IKBKE: variants seen among roughly 807,000 people sequenced by gnomAD.
The protein encoded by IKBKE is inhibitor of nuclear factor kappa-B kinase subunit epsilon.
Under a neutral mutation model 92.1 loss-of-function variants are expected in IKBKE, and 45 were observed. The ratio of observed to expected loss-of-function variants is 0.49; its 90% CI spans 0.38 to 0.63. The LOEUF (loss-of-function observed/expected upper bound fraction) is 0.63, where lower values mean the gene tolerates loss of function less well. Among genes scored for constraint, IKBKE ranks in the 20% least tolerant of loss-of-function variants. IKBKE has a pLI of 0.00. For synonymous variants in IKBKE, 374 were observed against 380.3 expected, an observed-to-expected ratio of 0.98 and a Z score of 0.19; for missense variants, 700 against 932.8, an observed-to-expected ratio of 0.75 and a Z score of 3.25.
Position 206,487,981 on chromosome 1 carries a change from A to C in IKBKE, c.1684A>C (p.Met562Leu), listed in dbSNP as rs781981008. The change falls in exon 16 of 22, where the codon ATG becomes CTG. Residue 562 changes from methionine (M) to leucine (L), a missense_variant. By Grantham distance (15) the Met-to-Leu change is conservative. Transcript: ENST00000581977. The surrounding 1 kb of genome is among the most constrained non-coding windows in gnomAD (Gnocchi z 5.3). ...CTACAAACAGTTCAAGAAGTCTAGG[A>C]TGAGGCCAGGTGAGCCCGGGGAGGG... ...FIYKQFKKSR[M>L]RPGLGYNEEQ... 26 of 1,613,080 alleles carry C rather than the reference A, an allele frequency of 1.6e-5. No homozygotes were observed. Among genetic ancestry groups the C allele is most frequent in the African/African-American group, 2.7e-5 (2 of 74,940 alleles).
At chr1:206,480,677 C>T (rs1553386862) in intron 13 of IKBKE, 144 bp downstream of exon 13, 3 of 665,516 alleles carry the variant, frequency 4.5e-6, no homozygotes, top group Non-Finnish European at 8.1e-6. Flanking sequence ...GGCACCCGCA[C>T]CCTATCCCTT....
At chr1:206,484,829 CG>C (rs1229116450) in intron 13 of IKBKE, among the ~76,000 whole-genome samples, 167 bp from the exon 14 acceptor site, 3 of 152,178 alleles carry the variant, frequency 2.0e-5, no homozygotes, top group Non-Finnish European at 4.4e-5. Context: ...GCAGGGCCCT[CG>C]TCAGGATGGC....
Position 206,493,119 on chromosome 1 carries a change from G to C in IKBKE, c.1932G>C (p.Lys644Asn), listed in dbSNP as rs782657929. The C allele has an allele frequency of 6.3e-7, 1 of 1,588,860 alleles. No homozygotes were observed. The highest frequency in any genetic ancestry group is 1.1e-5 in the South Asian group (1 of 87,804). ...AGGGGGTCCAGGAGAGTCTCAGCAAGGTGGGCATGGCAGAAGGATTCTAGG... is the reference window on the plus strand; with the variant it reads ...AGGGGGTCCAGGAGAGTCTCAGCAACGTGGGCATGGCAGAAGGATTCTAGG... ...EAQGVQESLS[K>N]LLEELSHQLL... The change falls in exon 19 of 22, where the codon AAG becomes AAC. Residue 644 changes from lysine (K) to asparagine (N), a missense_variant and splice_region_variant. Coordinates refer to ENST00000581977, the MANE Select transcript of IKBKE (RefSeq NM_014002.4).
chr1:206,480,606 A>G (rs1445957699), intron 13 of IKBKE, 73 bp downstream of exon 13: 1 of 1,039,846 alleles, frequency 9.6e-7, no homozygotes, highest in South Asian at 1.4e-5. Flanking sequence ...GATACTTCCA[A>G]CAATGCACCT....
intron 21 of IKBKE, among the ~76,000 whole-genome samples, chr1:206,494,755 C>T (rs1341520353): frequency 6.6e-6 from 1 of 151,398 alleles, no homozygotes. Flanking sequence ...AGGTGTCCAC[C>T]ACCACACGCA....
intron 18 of IKBKE, 27 bp downstream of exon 18, chr1:206,491,776 G>T: frequency 6.4e-7 from 1 of 1,560,138 alleles, no homozygotes; most frequent in Non-Finnish European, 8.8e-7. Flanking sequence ...AGCTCCTGGA[G>T]CCCAGGGCCT....
At position 206,478,477 on chromosome 1, in the gene IKBKE, A is replaced by G; in HGVS notation, c.992+138A>G. On this transcript the variant is annotated intron_variant, in intron 9 of 21. Coordinates refer to ENST00000581977, the MANE Select transcript of IKBKE (RefSeq NM_014002.4). The surrounding 1 kb of genome is among the most constrained non-coding windows in gnomAD (Gnocchi z 4.8). ...CTTCCAGGTCCAAACGTAGTTGGGA[A>G]AAGACTAGTTCTACAAAGTTAAAGC... 1 of 867,954 alleles carries G rather than the reference A, an allele frequency of 1.2e-6. No homozygotes were observed. Among genetic ancestry groups the G allele is most frequent in the South Asian group, 1.6e-5 (1 of 64,316 alleles). 53.8% of individuals were successfully genotyped at this position (867,954 alleles called of 1,614,324 possible).
At position 206,480,848 on chromosome 1, in the gene IKBKE, G is replaced by C. The variant is rs41297614; in HGVS notation, c.1427+315G>C. On this transcript the variant is annotated intron_variant, in intron 13 of 21. Coordinates refer to ENST00000581977, the MANE Select transcript of IKBKE (RefSeq NM_014002.4). Reference sequence around the variant, plus strand: ...GCCAAGTCCTTCTCTGAATGATTTAGAGTGCTCACCCTATGCCAAGTGCCA... The same window carrying C: ...GCCAAGTCCTTCTCTGAATGATTTACAGTGCTCACCCTATGCCAAGTGCCA... Among the ~76,000 whole-genome samples the C allele has an allele frequency of 5.7e-3, 867 of 152,278 alleles. 8 individuals carry two copies. Among genetic ancestry groups the C allele is most frequent in the African/African-American group, 0.02 (817 of 41,538 alleles).
At chr1:206,488,389 G>A (rs562212427) in intron 16 of IKBKE, among the ~76,000 whole-genome samples, 1 of 152,316 alleles carries the variant, frequency 6.6e-6, no homozygotes, top group South Asian at 2.1e-4. Flanking sequence ...GGGACACTGA[G>A]ACAGTCAGGT....
At position 206,476,643 on chromosome 1, in the gene IKBKE, C is replaced by A. The variant is rs781800689; in HGVS notation, c.541-35C>A. 3 of 1,612,900 alleles carry A rather than the reference C, an allele frequency of 1.9e-6. No individual in the cohort carries two copies. The highest frequency in any genetic ancestry group is 3.3e-4 in the Middle Eastern group (2 of 6,058). On this transcript the variant is annotated intron_variant, in intron 6 of 21. Coordinates refer to ENST00000581977, the MANE Select transcript of IKBKE (RefSeq NM_014002.4). The surrounding 1 kb of genome is among the most constrained non-coding windows in gnomAD (Gnocchi z 5.1). ...AGGTCTCAGGCCCTTGCCAGCCCTCCGGCTCCATGGCCTCATTCTGGTTCT... is the reference window on the plus strand; with the variant it reads ...AGGTCTCAGGCCCTTGCCAGCCCTCAGGCTCCATGGCCTCATTCTGGTTCT...
intron 18 of IKBKE, 51 bp from the exon 19 acceptor site, chr1:206,492,972 G>C (rs1553390997): frequency 1.3e-6 from 2 of 1,486,128 alleles, no homozygotes; most frequent in Non-Finnish European, 1.8e-6. Context: ...CGAGCCCTGG[G>C]GAATGGGCTG....
chr1:206,490,933 AGAG>A lies in IKBKE; in HGVS notation c.1733+79_1733+81del. Reference sequence around the variant, plus strand: ...TCAGGGCAGAGCGATTCTCAACGCCAGAGGAGAGGCAGTGAAGGGCCCTGTCCC... The same window carrying A: ...TCAGGGCAGAGCGATTCTCAACGCCAGAGAGGCAGTGAAGGGCCCTGTCCC... On this transcript the variant is annotated intron_variant, in intron 17 of 21. Coordinates refer to ENST00000581977, the MANE Select transcript of IKBKE (RefSeq NM_014002.4). The surrounding 1 kb of genome is among the most constrained non-coding windows in gnomAD (Gnocchi z 5.2). 7.3e-7 allele frequency: 1 copy of A among 1,372,498 alleles called. No individual in the cohort carries two copies. The highest frequency in any genetic ancestry group is 2.3e-5 in the East Asian group (1 of 43,802). 85.0% of individuals were successfully genotyped at this position (1,372,498 alleles called of 1,614,324 possible).
rs376720794 is a variant in IKBKE at position 206,470,861 on chromosome 1, C to A, written c.-123+163C>A. ...TGGAGGTGAGCCACCACGGGCCAAC[C>A]ACAAGCCCTCCCTGGGCTCTGCTTA... On this transcript the variant is annotated intron_variant, in intron 1 of 21. Transcript: ENST00000581977. Among the ~76,000 whole-genome samples the A allele has an allele frequency of 2.0e-4, 30 of 152,178 alleles. No individual in the cohort carries two copies. The East Asian group carries it at 2.1e-3, about 11-fold the overall frequency.
chr1:206,486,437 A>C lies in IKBKE; in HGVS notation c.1616+1131A>C, dbSNP rs1162654748. Among the ~76,000 whole-genome samples the C allele has an allele frequency of 2.8e-5, 4 of 140,784 alleles. No individual in the cohort carries two copies. In the South Asian group the frequency reaches 8.4e-4, roughly 30 times the overall value. The allele number at this position is 140,784 out of a possible 152,430, so 92.4% of individuals were successfully genotyped here. Reference sequence around the variant, plus strand: ...GAGGATCGAGGTCCTGTCCTTTTGGATGAAGGCTGCGGATCCCAGGCCCTG... The same window carrying C: ...GAGGATCGAGGTCCTGTCCTTTTGGCTGAAGGCTGCGGATCCCAGGCCCTG... On this transcript the variant is annotated intron_variant, in intron 15 of 21. Coordinates refer to ENST00000581977, the MANE Select transcript of IKBKE (RefSeq NM_014002.4).
intron 2 of IKBKE, chr1:206,472,758 T>G: frequency 9.8e-6 from 2 of 205,110 alleles, no homozygotes; most frequent in Non-Finnish European, 9.8e-6. Context: ...TTTGTGGTGG[T>G]GTGGGAGATG....
Position 206,476,507 on chromosome 1 carries a change from G to T in IKBKE, c.540+145G>T. On this transcript the variant is annotated intron_variant, in intron 6 of 21. Coordinates refer to ENST00000581977, the MANE Select transcript of IKBKE (RefSeq NM_014002.4). The surrounding 1 kb of genome is among the most constrained non-coding windows in gnomAD (Gnocchi z 5.1). ...TCCCCTGTACCCCAACCAGAAGAAT[G>T]CATTCTGTTCTCTAAGATGGAAAAG... 9.0e-7 allele frequency: 1 copy of T among 1,111,532 alleles called. No homozygotes were observed. The highest frequency in any genetic ancestry group is 1.3e-6 in the Non-Finnish European group (1 of 766,806). The allele number at this position is 1,111,532 out of a possible 1,614,324, so 68.9% of individuals were successfully genotyped here.
At chr1:206,491,429 G>A (rs955922969) in intron 17 of IKBKE, 13 of 473,082 alleles carry the variant, frequency 2.7e-5, no homozygotes, top group East Asian at 1.2e-4. Flanking sequence ...TGTCTCCCAC[G>A]TCTCCCTGTT....
chr1:206,479,007 C>T lies in IKBKE; in HGVS notation c.1057C>T (p.Leu353Phe). The T allele has an allele frequency of 6.2e-7, 1 of 1,614,178 alleles. No individual in the cohort carries two copies. Among genetic ancestry groups the T allele is most frequent in the East Asian group, 2.2e-5 (1 of 44,884 alleles). Residue 353 changes from leucine to phenylalanine, a missense_variant, in exon 10 of 22, where the codon CTC becomes TTC. Transcript: ENST00000581977. ...TSVAPRHQEYLFEGHLCVLEP... is the reference protein window; with the variant it reads ...TSVAPRHQEYFFEGHLCVLEP... The stretch of plus-strand genomic sequence containing the variant: ...TGTGGCCCCCCGACACCAGGAGTAC[C>T]TCTTTGAGGGTCACCTCTGTGTCCT...
intron 18 of IKBKE, chr1:206,492,674 C>G (rs996719759): frequency 7.9e-6 from 4 of 508,790 alleles, no homozygotes; most frequent in African/African-American, 5.8e-5. Flanking sequence ...TGGGCAGTTC[C>G]CCACACTGAG....
Sources: gnomAD v4.1 joint callset for allele counts (sites outside exome capture counted in the v4.1 genomes callset) on GRCh38, gnomAD v4.1.1 for gene constraint, Gnocchi (gnomAD v3.1) non-coding constraint, MANE v1.5 for transcripts, NCBI Gene and HGNC (gene_info 2026-07-23, HGNC 2026-07-21) for gene names.